Variants in PDXDC1 observed in about 807,000 individuals in gnomAD.
PDXDC1 encodes pyridoxal dependent decarboxylase domain containing 1.
Under a neutral mutation model 100.1 loss-of-function variants are expected in PDXDC1, and 42 were observed. The ratio of observed to expected loss-of-function variants is 0.42; its 90% CI spans 0.33 to 0.54. The LOEUF (loss-of-function observed/expected upper bound fraction) is 0.54, where lower values mean the gene tolerates loss of function less well. Ranked by LOEUF, PDXDC1 falls within the 20% of genes least tolerant of loss-of-function variation. PDXDC1 has a pLI of 0.10. For missense variants in PDXDC1, 636 were observed against 979.2 expected (o/e 0.65, Z 4.68); for synonymous variants, 260 against 371.7 (o/e 0.70, Z 3.46).
At chr16:15,040,995 T>C (rs368045105), downstream of PDXDC1, 8 of 1,018,206 alleles carry the variant, frequency 7.9e-6, no homozygotes, top group East Asian at 2.4e-5. Flanking sequence ...AGTGGGGTCA[T>C]TGGTTTGCTG....
downstream of PDXDC1, chr16:15,039,849 T>G (rs1420694750): frequency 3.0e-6 from 2 of 671,792 alleles, no homozygotes; most frequent in African/African-American, 3.6e-5. Context: ...TGGTCCCTGA[T>G]AATGTACGGC....
At chr16:15,128,165 C>A (rs375350028) in intron 16 of PDXDC1, 2 of 1,610,210 alleles carry the variant, frequency 1.2e-6, no homozygotes, top group African/African-American at 2.7e-5. Flanking sequence ...AGGTCAGGCT[C>A]GCAGGGCGCC....
intron 12 of PDXDC1, among the ~76,000 whole-genome samples, chr16:15,020,296 AGT>A (rs2042092905): frequency 6.6e-6 from 1 of 152,282 alleles, no homozygotes. Context: ...CTCTTGCAGT[AGT>A]GTCTGTTCAT....
At chr16:15,152,122 G>C in the PDXDC1 span, among the ~76,000 whole-genome samples, 2 of 142,864 alleles carry the variant, frequency 1.4e-5, no homozygotes, top group Non-Finnish European at 3.1e-5. Flanking sequence ...ACCACCTCTC[G>C]GCAGCATCAT....
At chr16:15,125,557 G>C in intron 16 of PDXDC1, 1 of 1,566,046 alleles carries the variant, frequency 6.4e-7, no homozygotes, top group African/African-American at 1.3e-5. Context: ...CCACCTCTTA[G>C]AATCATCCAG....
At chr16:15,016,563 G>A (rs1256841321) in intron 9 of PDXDC1, among the ~76,000 whole-genome samples, 3 of 152,294 alleles carry the variant, frequency 2.0e-5, no homozygotes, top group Non-Finnish European at 4.4e-5. Context: ...TTCCAGCTTC[G>A]TGGTCAGCTG....
the PDXDC1 span, among the ~76,000 whole-genome samples, chr16:15,147,876 CG>C: frequency 3.3e-5 from 5 of 151,996 alleles, no homozygotes; most frequent in South Asian, 2.1e-4. Context: ...TTTAGTAGAA[CG>C]GGTTTCACCA....
intron 5 of PDXDC1, among the ~76,000 whole-genome samples, chr16:15,005,006 C>G (rs1049371457): frequency 6.6e-6 from 1 of 152,272 alleles, no homozygotes; most frequent in Non-Finnish European, 1.5e-5. Flanking sequence ...AGATGCAGAA[C>G]CCATAGGTTC....
chr16:15,081,163 A>C (rs2045688523), intron 16 of PDXDC1, among the ~76,000 whole-genome samples: 1 of 152,194 alleles, frequency 6.6e-6, no homozygotes, highest in Admixed American at 6.5e-5. Context: ...ATTATGGATG[A>C]TGCTGCTATG....
chr16:15,101,049 C>T (rs982336079), intron 16 of PDXDC1, among the ~76,000 whole-genome samples: 2 of 152,084 alleles, frequency 1.3e-5, no homozygotes, highest in Non-Finnish European at 2.9e-5. Context: ...TGGGCAATTG[C>T]CTTATGTTTC....
intron 16 of PDXDC1, among the ~76,000 whole-genome samples, chr16:15,059,737 T>C (rs1451223439): frequency 2.0e-5 from 3 of 152,192 alleles, no homozygotes; most frequent in Non-Finnish European, 4.4e-5. Context: ...ACAGTATTTT[T>C]CCCCATAGAT....
chr16:15,000,580 C>T (rs1457490385), intron 3 of PDXDC1, among the ~76,000 whole-genome samples: 2 of 152,282 alleles, frequency 1.3e-5, no homozygotes, highest in African/African-American at 2.4e-5. Context: ...AATAGCCCTG[C>T]GTTATTCCTG....
intron 16 of PDXDC1, chr16:15,071,294 A>C (rs574732156): frequency 1.3e-6 from 2 of 1,541,704 alleles, no homozygotes; most frequent in South Asian, 2.5e-5. Context: ...TTTAATGCCT[A>C]AGATAATCTG....
intron 16 of PDXDC1, among the ~76,000 whole-genome samples, chr16:15,123,983 C>T (rs1482255983): frequency 6.6e-5 from 10 of 151,842 alleles, no homozygotes; most frequent in East Asian, 3.9e-4. Flanking sequence ...TTATCTATAT[C>T]ATCTTACTGC....
downstream of PDXDC1, chr16:15,038,398 G>C: frequency 9.6e-6 from 6 of 623,710 alleles, no homozygotes; most frequent in Non-Finnish European, 1.7e-5. Context: ...TTTCCATCTA[G>C]GACTTGACAT....
At chr16:14,977,099 C>G (rs1397914710) in intron 1 of PDXDC1, among the ~76,000 whole-genome samples, 3 of 152,230 alleles carry the variant, frequency 2.0e-5, no homozygotes, top group Non-Finnish European at 4.4e-5. Flanking sequence ...AGATCTTAAA[C>G]TCTCTCAATG....
rs1465439229 is a variant in PDXDC1 at position 15,037,103 on chromosome 16, G to T, written c.*828G>T. On this transcript the variant is annotated 3_prime_UTR_variant, in exon 23 of 23. Transcript: ENST00000396410. ...CGTAGCACCCACCTGGTTAAAATCT[G>T]AAAACAAGTACCCCTTTGACCTGTC... 1.3e-5 allele frequency: 2 copies of T among 152,182 alleles called. No homozygotes were observed. Among genetic ancestry groups the T allele is most frequent in the Non-Finnish European group, 2.9e-5 (2 of 68,048 alleles). 9.4% of individuals were successfully genotyped at this position (152,182 alleles called of 1,614,324 possible). A position where few individuals can be genotyped will look rare whatever the true frequency, so the allele number is the denominator to read the frequency against.
intron 16 of PDXDC1, chr16:15,125,979 G>T: frequency 1.7e-6 from 1 of 599,880 alleles, no homozygotes; most frequent in Non-Finnish European, 3.0e-6. Flanking sequence ...CCCTCGCGAC[G>T]TGTGCCACTG....
chr16:15,142,181 C>T (rs931479024), downstream of PDXDC1, among the ~76,000 whole-genome samples: 4 of 152,144 alleles, frequency 2.6e-5, no homozygotes, highest in Admixed American at 2.0e-4. Context: ...GTGGCTGCTG[C>T]TGGGAGCTGA....
Sources: gnomAD v4.1 joint callset for allele counts (sites outside exome capture counted in the v4.1 genomes callset) on GRCh38, gnomAD v4.1.1 for gene constraint, MANE v1.5 for transcripts, NCBI Gene and HGNC (gene_info 2026-07-23, HGNC 2026-07-21) for gene names.